The following KDM4B variants were observed in gnomAD, a reference collection of about 807,000 sequenced individuals.
KDM4B encodes the protein lysine-specific demethylase 4B.
In KDM4B, 32 loss-of-function variants were observed where a neutral mutation model predicts 125.2. The ratio of observed to expected loss-of-function variants is 0.26; its 90% CI spans 0.19 to 0.34. KDM4B has a LOEUF of 0.34. Ranked by LOEUF, KDM4B falls within the 10% of genes least tolerant of loss-of-function variation. The probability of loss-of-function intolerance (pLI) is 1.00; values close to 1 mark genes in which losing one functional copy is unlikely to be tolerated. For synonymous variants in KDM4B, 721 were observed against 677.9 expected, an observed-to-expected ratio of 1.06 and a Z score of -0.99; for missense variants, 1,190 against 1,577.7, an observed-to-expected ratio of 0.75 and a Z score of 4.16.
intron 9 of KDM4B, among the ~76,000 whole-genome samples, chr19:5,088,498 G>C (rs981070015): frequency 1.3e-5 from 2 of 152,100 alleles, no homozygotes; most frequent in African/African-American, 2.4e-5. Context: ...AGAGGTCGAT[G>C]GGGGGGAGGT....
chr19:5,108,073 C>T (rs892781849), intron 9 of KDM4B, among the ~76,000 whole-genome samples: 10 of 152,230 alleles, frequency 6.6e-5, no homozygotes, highest in African/African-American at 1.2e-4. Flanking sequence ...CAGCCCCAGC[C>T]GGGCAAGGGG....
intron 1 of KDM4B, among the ~76,000 whole-genome samples, chr19:4,978,165 G>A (rs141659160): frequency 6.6e-6 from 1 of 152,230 alleles, no homozygotes; most frequent in East Asian, 1.9e-4. Flanking sequence ...CTTCCCCCAG[G>A]AAGGGGGGAC....
At chr19:5,056,040 C>G in intron 6 of KDM4B, among the ~76,000 whole-genome samples, 1 of 152,176 alleles carries the variant, frequency 6.6e-6, no homozygotes, top group Admixed American at 6.5e-5. Flanking sequence ...TGTCCCGTCT[C>G]CGTAGGGCCC....
At chr19:4,980,795 TCATCTCAGTGGG>T (rs1467936680) in intron 1 of KDM4B, among the ~76,000 whole-genome samples, 4 of 152,132 alleles carry the variant, frequency 2.6e-5, no homozygotes, top group African/African-American at 7.2e-5. Flanking sequence ...TGTTTTCCAT[TCATCTCAGTGGG>T]CATTTAAGTT....
At chr19:5,110,514 TG>T in intron 9 of KDM4B, 107 bp from the exon 10 acceptor site, 1 of 963,422 alleles carries the variant, frequency 1.0e-6, no homozygotes, top group Non-Finnish European at 1.6e-6. Context: ...AGCGGTGGGA[TG>T]GGGTGTGGGA....
intron 21 of KDM4B, among the ~76,000 whole-genome samples, chr19:5,145,286 G>C (rs1054195507): frequency 2.0e-5 from 3 of 151,642 alleles, no homozygotes; most frequent in African/African-American, 7.3e-5. Flanking sequence ...TTATTTAAAA[G>C]TGTGGAATCT....
chr19:5,150,254 A>G (rs2039923158), intron 21 of KDM4B, 104 bp from the exon 22 acceptor site: 1 of 851,492 alleles, frequency 1.2e-6, no homozygotes, highest in Non-Finnish European at 1.8e-6. Context: ...AGCGGGCCCC[A>G]TGCACCCAAG....
At chr19:5,068,227 C>T (rs1184298268) in intron 6 of KDM4B, among the ~76,000 whole-genome samples, 4 of 152,076 alleles carry the variant, frequency 2.6e-5, no homozygotes, top group Non-Finnish European at 2.9e-5. Context: ...CCTGCTGAGA[C>T]GCCCCTCTGG....
intron 1 of KDM4B, among the ~76,000 whole-genome samples, chr19:5,010,366 C>A (rs865892162): frequency 6.6e-6 from 1 of 152,188 alleles, no homozygotes; most frequent in African/African-American, 2.4e-5. Flanking sequence ...TGCGGCTCAG[C>A]GTGGTGGTGT....
chr19:5,063,950 G>C (rs1274082066), intron 6 of KDM4B, among the ~76,000 whole-genome samples: 1 of 152,188 alleles, frequency 6.6e-6, no homozygotes, highest in African/African-American at 2.4e-5. Context: ...GGCTCGTGTG[G>C]ATGTGGGGCT....
At chr19:5,041,701 C>T (rs1256663531) in intron 5 of KDM4B, among the ~76,000 whole-genome samples, 1 of 152,246 alleles carries the variant, frequency 6.6e-6, no homozygotes, top group African/African-American at 2.4e-5. Flanking sequence ...GCCTGGTCTG[C>T]TGGAGCGTCC....
chr19:5,071,413 G>A (rs1372466871), intron 7 of KDM4B, among the ~76,000 whole-genome samples: 1 of 152,206 alleles, frequency 6.6e-6, no homozygotes, highest in African/African-American at 2.4e-5. Flanking sequence ...ACCCCACACT[G>A]TGCCCTTGCT....
intron 9 of KDM4B, among the ~76,000 whole-genome samples, chr19:5,101,275 G>T (rs2613746): frequency 0.42 from 59,458 of 142,982 alleles, 12,433 homozygotes; most frequent in East Asian, 0.68. Context: ...CCAGGTTTTT[G>T]TTTTTTTTTT....
chr19:5,038,519 C>G (rs1462945653), intron 3 of KDM4B, among the ~76,000 whole-genome samples: 1 of 152,236 alleles, frequency 6.6e-6, no homozygotes, highest in Non-Finnish European at 1.5e-5. Context: ...GCACCGGGTT[C>G]CGGCTGCAGT....
At chr19:5,088,747 A>AG (rs2038592622) in intron 9 of KDM4B, among the ~76,000 whole-genome samples, 1 of 144,890 alleles carries the variant, frequency 6.9e-6, no homozygotes, top group Admixed American at 7.3e-5. Context: ...GAGGCAGAGG[A>AG]GCAGGACGCC....
At chr19:5,037,412 A>G (rs2036663477) in intron 3 of KDM4B, among the ~76,000 whole-genome samples, 2 of 151,882 alleles carry the variant, frequency 1.3e-5, no homozygotes, top group Non-Finnish European at 1.5e-5. Context: ...TTCGTGTCTC[A>G]CTGACTCTTC....
chr19:5,137,773 A>G lies in KDM4B; in HGVS notation c.2441+97A>G, dbSNP rs2039675232. On this transcript the variant is annotated intron_variant, in intron 17 of 22. Transcript: ENST00000159111. ...TGACCCCAGTGCCTAGGGGTTGACC[A>G]TCACCTCCACATAACCGCCCTGTGT... 6.5e-6 allele frequency: 8 copies of G among 1,227,420 alleles called. No homozygotes were observed. The South Asian group carries it at 1.2e-4, about 18-fold the overall frequency. 76.0% of individuals were successfully genotyped at this position (1,227,420 alleles called of 1,614,324 possible).
At chr19:4,995,224 A>G (rs2035161058) in intron 1 of KDM4B, among the ~76,000 whole-genome samples, 1 of 151,888 alleles carries the variant, frequency 6.6e-6, no homozygotes, top group Admixed American at 6.6e-5. Context: ...GCTTCTTTTC[A>G]TCTCCCTTGC....
chr19:5,105,769 CTGTT>C (rs1029313429), intron 9 of KDM4B, among the ~76,000 whole-genome samples: 2 of 152,224 alleles, frequency 1.3e-5, no homozygotes, highest in Admixed American at 6.5e-5. Flanking sequence ...CTGATAGTGA[CTGTT>C]TGCAGCTTTA....
Sources: allele counts gnomAD v4.1 joint callset (sites outside exome capture counted in the v4.1 genomes callset), GRCh38; gene constraint gnomAD v4.1.1; transcripts MANE v1.5; gene names NCBI Gene and HGNC (gene_info 2026-07-23, HGNC 2026-07-21).